SLC4A1AP: variants seen among roughly 807,000 people sequenced by gnomAD.
SLC4A1AP encodes the protein solute carrier family 4 member 1 adaptor protein, also known as kanadaptin.
SLC4A1AP carries 64 observed loss-of-function variants against 89.7 expected under a neutral mutation model. The ratio of observed to expected loss-of-function variants is 0.71; its 90% CI spans 0.58 to 0.88. The LOEUF (loss-of-function observed/expected upper bound fraction) is 0.88. SLC4A1AP is among the 40% of genes least tolerant of loss of function. The probability of loss-of-function intolerance (pLI) is 0.00; values close to 1 mark genes in which losing one functional copy is unlikely to be tolerated. For missense variants in SLC4A1AP, 931 were observed against 965.0 expected (o/e 0.96, Z 0.47); for synonymous variants, 366 against 353.3 (o/e 1.04, Z -0.40).
intron 5 of SLC4A1AP, among the ~76,000 whole-genome samples, chr2:27,670,441 C>T (rs774207939): frequency 6.6e-6 from 1 of 151,498 alleles, no homozygotes; most frequent in African/African-American, 2.4e-5. Context: ...TAACTTATGT[C>T]TGGTTCAAAA....
At chr2:27,686,390 T>C (rs1371729936) in intron 10 of SLC4A1AP, among the ~76,000 whole-genome samples, 1 of 152,338 alleles carries the variant, frequency 6.6e-6, no homozygotes, top group Non-Finnish European at 1.5e-5. Context: ...AGTATCATAA[T>C]TTTTTTGTTT....
intron 5 of SLC4A1AP, among the ~76,000 whole-genome samples, chr2:27,670,922 CTTTTTT>C (rs34481114): frequency 6.3e-4 from 70 of 111,846 alleles, no homozygotes; most frequent in African/African-American, 2.1e-3. Context: ...CTTTTCTTTT[CTTTTTT>C]TTTTTTTTTT....
intron 5 of SLC4A1AP, among the ~76,000 whole-genome samples, chr2:27,673,738 A>G (rs967000285): frequency 6.6e-6 from 1 of 151,844 alleles, no homozygotes; most frequent in East Asian, 1.9e-4. Flanking sequence ...GGGAAATTAG[A>G]TATGTGTGTT....
chr2:27,687,977 T>C (rs2148140133), exon 11 of SLC4A1AP: 1 of 1,614,016 alleles, frequency 6.2e-7, no homozygotes, highest in South Asian at 1.1e-5. Context: ...ATAAAGATTA[T>C]CAAGACTGTA....
rs1000382792 is a variant in SLC4A1AP, at chr2:27,674,299, A to G, written c.1346-1233A>G. On this transcript the variant is annotated intron_variant, in intron 5 of 13. Coordinates refer to ENST00000613058, the Ensembl canonical transcript of SLC4A1AP. Reference sequence around the variant, plus strand: ...GGAAAGAGGTACTTTTATCAGAACAAAGGGAGTAGAATGTTGTAGGGTGAA... The same window carrying G: ...GGAAAGAGGTACTTTTATCAGAACAGAGGGAGTAGAATGTTGTAGGGTGAA... Among the ~76,000 whole-genome samples, 4 of 152,158 alleles carry G rather than the reference A, an allele frequency of 2.6e-5. No individual in the cohort carries two copies. The East Asian group carries it at 7.7e-4, about 29-fold the overall frequency.
chr2:27,694,763 A>G, exon 14 of SLC4A1AP: 1 of 1,082,878 alleles, frequency 9.2e-7, no homozygotes, highest in Non-Finnish European at 1.4e-6. Context: ...TTGAATGGCC[A>G]GAGAAGTTTA....
At chr2:27,669,426 A>G in intron 5 of SLC4A1AP, 39 bp downstream of exon 5, 1 of 1,454,172 alleles carries the variant, frequency 6.9e-7, no homozygotes. Context: ...GATTTAAAAA[A>G]AGGAAAACTC....
chr2:27,665,062 TA>T, intron 1 of SLC4A1AP, 37 bp from the exon 2 acceptor site: 1 of 1,542,336 alleles, frequency 6.5e-7, no homozygotes, highest in Non-Finnish European at 8.8e-7. Context: ...ACCCTGTCTC[TA>T]AATAAATAAA....
intron 1 of SLC4A1AP, among the ~76,000 whole-genome samples, 176 bp from the exon 2 acceptor site, chr2:27,664,924 G>A (rs1279362762): frequency 6.7e-6 from 1 of 150,330 alleles, no homozygotes; most frequent in Non-Finnish European, 1.5e-5. Context: ...AAAAAAATTA[G>A]CCAGGCATCA....
intron 11 of SLC4A1AP, among the ~76,000 whole-genome samples, chr2:27,688,250 C>A (rs574209297): frequency 2.0e-5 from 3 of 152,214 alleles, no homozygotes; most frequent in Admixed American, 6.5e-5. Flanking sequence ...CTCCCTCCCC[C>A]ACAAAGCACC....
At chr2:27,678,412 G>A (rs962069265) in intron 8 of SLC4A1AP, among the ~76,000 whole-genome samples, 2 of 151,928 alleles carry the variant, frequency 1.3e-5, no homozygotes, top group Non-Finnish European at 2.9e-5. Context: ...GCACACCTGT[G>A]GTCCCAGCTA....
chr2:27,694,585 G>T, intron 13 of SLC4A1AP, 49 bp from the exon 14 acceptor site: 1 of 1,381,034 alleles, frequency 7.2e-7, no homozygotes, highest in Non-Finnish European at 9.9e-7. Flanking sequence ...TTTCTCTCCT[G>T]ACTTTGGAAG....
chr2:27,677,247 G>A (rs1243964165), intron 6 of SLC4A1AP, 48 bp from the exon 7 acceptor site: 2 of 1,232,014 alleles, frequency 1.6e-6, no homozygotes, highest in African/African-American at 3.0e-5. Flanking sequence ...ATGAAAAACA[G>A]TTTGAAAGAA....
chr2:27,680,126 C>T (rs1468311871), intron 8 of SLC4A1AP, among the ~76,000 whole-genome samples: 3 of 152,130 alleles, frequency 2.0e-5, no homozygotes, highest in Non-Finnish European at 4.4e-5. Flanking sequence ...CAGCCGATGT[C>T]TGCAGTAGCT....
At position 27,694,623 on chromosome 2, in the gene SLC4A1AP, T is replaced by G. The variant is rs1341550060; in HGVS notation, c.2342-11T>G. 4 of 1,555,556 alleles carry G rather than the reference T, an allele frequency of 2.6e-6. No homozygotes were observed. In the Admixed American group the frequency reaches 6.9e-5, roughly 27 times the overall value. ...TAAATAATGTATTTCTTTTTTTATA[T>G]TCTGATCTAGGTCAAAGTGGAGATG... On this transcript the variant is annotated splice_polypyrimidine_tract_variant and intron_variant, in intron 13 of 13. Transcript: ENST00000613058.
At chr2:27,681,880 A>G (rs1675625234) in intron 8 of SLC4A1AP, among the ~76,000 whole-genome samples, 1 of 151,550 alleles carries the variant, frequency 6.6e-6, no homozygotes, top group South Asian at 2.1e-4. Context: ...TAAGTAAGAC[A>G]CTCTTCAGAG....
chr2:27,682,498 C>A, intron 9 of SLC4A1AP, 139 bp downstream of exon 9: 1 of 488,692 alleles, frequency 2.0e-6, no homozygotes. Flanking sequence ...ATGATCACAT[C>A]TTTCCCAGAA....
chr2:27,670,893 A>C (rs948325113), intron 5 of SLC4A1AP, among the ~76,000 whole-genome samples: 2 of 150,890 alleles, frequency 1.3e-5, no homozygotes, highest in Non-Finnish European at 2.9e-5. Context: ...TTAAAAAAAA[A>C]CAACAAACAC....
chr2:27,679,049 A>C (rs1675571372), intron 8 of SLC4A1AP, among the ~76,000 whole-genome samples: 3 of 152,100 alleles, frequency 2.0e-5, no homozygotes, highest in Non-Finnish European at 2.9e-5. Context: ...AATTTGATGA[A>C]GATTAATTAT....
Sources: gnomAD v4.1 joint callset for allele counts (sites outside exome capture counted in the v4.1 genomes callset) on GRCh38, gnomAD v4.1.1 for gene constraint, MANE v1.5 for transcripts, NCBI Gene and HGNC (gene_info 2026-07-23, HGNC 2026-07-21) for gene names.